The following CACNA1D variants were observed in gnomAD, a reference collection of about 807,000 sequenced individuals.
CACNA1D encodes voltage-dependent L-type calcium channel subunit alpha-1D.
A neutral mutation model predicts 257.1 loss-of-function variants in CACNA1D; 55 were observed. The observed-to-expected ratio is 0.21, with a 90% CI of 0.17 to 0.27. The LOEUF (loss-of-function observed/expected upper bound fraction) is 0.27. Among genes scored for constraint, CACNA1D ranks in the 10% least tolerant of loss-of-function variants. The pLI, the probability that CACNA1D is intolerant of heterozygous loss-of-function variation, is 1.00. For missense variants in CACNA1D, 1,876 were observed against 2,784.0 expected, an observed-to-expected ratio of 0.67 and a Z score of 7.34; for synonymous variants, 980 against 1,014.9, an observed-to-expected ratio of 0.97 and a Z score of 0.65.
At position 53,741,033 on chromosome 3, in the gene CACNA1D, G is replaced by A. The variant is rs73092060; in HGVS notation, c.2811+694G>A. Among the ~76,000 whole-genome samples the A allele has an allele frequency of 1.8e-3, 275 of 152,314 alleles. 2 individuals carry two copies. The highest frequency in any genetic ancestry group is 2.0e-3 in the Non-Finnish European group (136 of 68,024). On this transcript the variant is annotated intron_variant, in intron 21 of 47. Coordinates refer to ENST00000350061, the MANE Select transcript of CACNA1D (RefSeq NM_001128840.3). ...CACAAAAGGAGCGCCCTTTGGCCGG[G>A]GTGACCTAAATGTACTGCCCATGCA... is the stretch of plus-strand genomic sequence containing the variant.
chr3:53,809,913 G>A (rs541774593), intron 46 of CACNA1D, 65 bp from the exon 47 acceptor site: 30 of 1,479,762 alleles, frequency 2.0e-5, no homozygotes, highest in East Asian at 4.5e-5. Flanking sequence ...TGGTCTGTGC[G>A]CAGAAGGTTT....
chr3:53,557,577 G>A (rs560518420), intron 3 of CACNA1D, among the ~76,000 whole-genome samples: 7 of 152,128 alleles, frequency 4.6e-5, no homozygotes, highest in East Asian at 1.9e-4. Flanking sequence ...GTTGAAGTGC[G>A]TTTTCTTTTG....
chr3:53,688,067 A>G (rs2094488704), intron 8 of CACNA1D, among the ~76,000 whole-genome samples: 3 of 152,230 alleles, frequency 2.0e-5, no homozygotes, highest in African/African-American at 7.2e-5. Context: ...TGGCCAAGCA[A>G]TTCCATTTCT....
intron 5 of CACNA1D, among the ~76,000 whole-genome samples, chr3:53,660,880 A>G (rs1344055868): frequency 6.6e-6 from 1 of 152,152 alleles, no homozygotes; most frequent in Non-Finnish European, 1.5e-5. Context: ...AGAGCCCCTA[A>G]CAGGATGTCT....
At chr3:53,516,471 G>A (rs2091338758) in intron 3 of CACNA1D, among the ~76,000 whole-genome samples, 1 of 152,222 alleles carries the variant, frequency 6.6e-6, no homozygotes, top group Non-Finnish European at 1.5e-5. Flanking sequence ...TCATAGCTCA[G>A]GGCTCACCCA....
chr3:53,501,307 C>T (rs2090591787), intron 2 of CACNA1D, among the ~76,000 whole-genome samples: 1 of 152,204 alleles, frequency 6.6e-6, no homozygotes, highest in East Asian at 1.9e-4. Context: ...ACCTAGTTCA[C>T]ACAGTGCCCT....
chr3:53,615,355 C>T (rs893982206), intron 3 of CACNA1D, among the ~76,000 whole-genome samples: 1 of 152,216 alleles, frequency 6.6e-6, no homozygotes, highest in Non-Finnish European at 1.5e-5. Context: ...GACCTGGCCT[C>T]TTTGCCTAGA....
intron 18 of CACNA1D, 87 bp downstream of exon 18, chr3:53,732,169 G>T: frequency 9.6e-7 from 1 of 1,040,274 alleles, no homozygotes; most frequent in South Asian, 1.3e-5. Context: ...CGGCCAGCCA[G>T]CCCAGCAGCG....
intron 3 of CACNA1D, among the ~76,000 whole-genome samples, chr3:53,565,479 A>G (rs1017325166): frequency 9.2e-5 from 14 of 152,230 alleles, no homozygotes; most frequent in Non-Finnish European, 1.9e-4. Flanking sequence ...CTGCATGGCC[A>G]AAATCTCAAA....
intron 3 of CACNA1D, among the ~76,000 whole-genome samples, chr3:53,584,064 C>T (rs1244396222): frequency 2.0e-5 from 3 of 152,180 alleles, no homozygotes; most frequent in Non-Finnish European, 4.4e-5. Flanking sequence ...TGATCATTCT[C>T]ATCTACCACT....
chr3:53,519,533 A>T (rs1171349895), intron 3 of CACNA1D, among the ~76,000 whole-genome samples: 2 of 152,168 alleles, frequency 1.3e-5, no homozygotes, highest in African/African-American at 2.4e-5. Context: ...AGCACTGGTC[A>T]CTGGCACCTG....
intron 3 of CACNA1D, among the ~76,000 whole-genome samples, chr3:53,646,774 A>G (rs2094025471): frequency 6.6e-6 from 1 of 152,344 alleles, no homozygotes; most frequent in East Asian, 1.9e-4. Flanking sequence ...CTGTGAGGAC[A>G]GGGTTCTGGC....
chr3:53,672,545 CT>C (rs1215932999), intron 7 of CACNA1D, among the ~76,000 whole-genome samples: 1 of 152,076 alleles, frequency 6.6e-6, no homozygotes, highest in Non-Finnish European at 1.5e-5. Flanking sequence ...ATAATTAAGA[CT>C]TTTCCACCAT....
At chr3:53,597,091 T>G (rs1011662126) in intron 3 of CACNA1D, among the ~76,000 whole-genome samples, 1 of 152,240 alleles carries the variant, frequency 6.6e-6, no homozygotes, top group African/African-American at 2.4e-5. Flanking sequence ...GTCATTTAAT[T>G]CTTACAACCA....
At chr3:53,598,984 G>A (rs779895750) in intron 3 of CACNA1D, among the ~76,000 whole-genome samples, 8 of 147,318 alleles carry the variant, frequency 5.4e-5, no homozygotes, top group Non-Finnish European at 1.0e-4. Flanking sequence ...GTAAGTTTTG[G>A]TGGAACAAGT....
At chr3:53,511,668 A>G (rs1243992176) in intron 3 of CACNA1D, among the ~76,000 whole-genome samples, 2 of 152,210 alleles carry the variant, frequency 1.3e-5, no homozygotes, top group African/African-American at 4.8e-5. Context: ...TTTTGATTAT[A>G]TAAATTAGTA....
chr3:53,555,460 G>GTTTT lies in CACNA1D; in HGVS notation c.483+53759_483+53762dup, dbSNP rs372133749. Among the ~76,000 whole-genome samples, 144 of 78,350 alleles carry GTTTT rather than the reference G, an allele frequency of 1.8e-3. 4 individuals carry two copies. The highest frequency in any genetic ancestry group is 2.3e-3 in the African/African-American group (41 of 17,794). The allele number at this position is 78,350 out of a possible 152,430, so 51.4% of individuals were successfully genotyped here. Reference sequence around the variant, plus strand: ...TGGGTGTGTGTGTGTGTGTGTGTGTGTTTTTTTTTTTTTTTTTTTTTTCTG... The same window carrying GTTTT: ...TGGGTGTGTGTGTGTGTGTGTGTGTGTTTTTTTTTTTTTTTTTTTTTTTTTTCTG... On this transcript the variant is annotated intron_variant, in intron 3 of 47. Coordinates refer to ENST00000350061, the MANE Select transcript of CACNA1D (RefSeq NM_001128840.3).
intron 3 of CACNA1D, among the ~76,000 whole-genome samples, chr3:53,535,099 G>A (rs2092075156): frequency 6.6e-6 from 1 of 152,178 alleles, no homozygotes; most frequent in Non-Finnish European, 1.5e-5. Context: ...AAGAGCGCTT[G>A]TTCACACTTG....
At chr3:53,731,053 T>C (rs746481034) in intron 16 of CACNA1D, 24 bp from the exon 17 acceptor site, 1 of 1,465,856 alleles carries the variant, frequency 6.8e-7, no homozygotes, top group South Asian at 1.1e-5. Flanking sequence ...TTTGGTTTCT[T>C]GTGCTCTTTT....
Sources: allele counts gnomAD v4.1 joint callset (sites outside exome capture counted in the v4.1 genomes callset), GRCh38; gene constraint gnomAD v4.1.1; transcripts MANE v1.5; gene names NCBI Gene and HGNC (gene_info 2026-07-23, HGNC 2026-07-21).